Variants in KDM4B observed in about 807,000 individuals in gnomAD.
KDM4B encodes the protein lysine-specific demethylase 4B.
In KDM4B, 32 loss-of-function variants were observed where a neutral mutation model predicts 125.2. The observed-to-expected ratio is 0.26, with a 90% CI of 0.19 to 0.34. The LOEUF (loss-of-function observed/expected upper bound fraction) is 0.34, where lower values mean the gene tolerates loss of function less well. Ranked by LOEUF, KDM4B falls within the 10% of genes least tolerant of loss-of-function variation. KDM4B has a pLI of 1.00. For missense variants in KDM4B, 1,190 were observed against 1,577.7 expected, an observed-to-expected ratio of 0.75 and a Z score of 4.16; for synonymous variants, 721 against 677.9, an observed-to-expected ratio of 1.06 and a Z score of -0.99.
At position 5,071,056 on chromosome 19, in the gene KDM4B, A is replaced by T; in HGVS notation, c.673A>T (p.Ile225Phe). 3 of 1,612,958 alleles carry T rather than the reference A, an allele frequency of 1.9e-6. No individual in the cohort carries two copies. The highest frequency in any genetic ancestry group is 2.5e-6 in the Non-Finnish European group (3 of 1,179,846). ...EHGKRLERLA[I>F]GFFPGSSQGC... Reference sequence around the variant, plus strand: ...CGGCAAGCGCCTGGAGCGGCTGGCCATCGGTAGGTGCCTGCCCTGAGGGCC... The same window carrying T: ...CGGCAAGCGCCTGGAGCGGCTGGCCTTCGGTAGGTGCCTGCCCTGAGGGCC... The change falls in exon 7 of 23, where the codon ATC becomes TTC. Residue 225 changes from isoleucine (I) to phenylalanine (F), a missense_variant. Physicochemically the swap from Ile to Phe is conservative, Grantham distance 21. Around this residue, in one of 7 missense-constraint regions of KDM4B, gnomAD observed 75 missense variants for 218.2 expected, o/e 0.34. Transcript: ENST00000159111.
At chr19:5,037,731 C>T (rs2036674336) in intron 3 of KDM4B, among the ~76,000 whole-genome samples, 1 of 152,236 alleles carries the variant, frequency 6.6e-6, no homozygotes, top group Non-Finnish European at 1.5e-5. Flanking sequence ...TGGCCTCCAT[C>T]TACCTCATGC....
chr19:5,018,516 G>C (rs1048701663), intron 2 of KDM4B, among the ~76,000 whole-genome samples: 1 of 152,230 alleles, frequency 6.6e-6, no homozygotes. Context: ...GGCTTGCTGT[G>C]GTTTGGCAGG....
intron 1 of KDM4B, among the ~76,000 whole-genome samples, chr19:4,984,854 G>A (rs191527624): frequency 4.3e-4 from 65 of 152,256 alleles, no homozygotes; most frequent in Non-Finnish European, 7.5e-4. Context: ...TAATGTACCT[G>A]GGGGTCTGGC....
intron 1 of KDM4B, among the ~76,000 whole-genome samples, chr19:4,981,448 G>A (rs1362906917): frequency 6.6e-6 from 1 of 152,186 alleles, no homozygotes; most frequent in Admixed American, 6.5e-5. Flanking sequence ...AGAGCACGCT[G>A]CTCCCTGGGT....
At chr19:5,116,345 A>G (rs2039256296) in intron 10 of KDM4B, among the ~76,000 whole-genome samples, 2 of 152,190 alleles carry the variant, frequency 1.3e-5, no homozygotes, top group Non-Finnish European at 2.9e-5. Flanking sequence ...AAAGGCCTTC[A>G]AAAGTCAGAA....
intron 1 of KDM4B, among the ~76,000 whole-genome samples, chr19:4,994,310 G>A (rs1403365873): frequency 3.3e-5 from 5 of 151,568 alleles, no homozygotes; most frequent in East Asian, 2.0e-4. Context: ...AGTGGCTCAC[G>A]CCTGTAATCT....
intron 9 of KDM4B, among the ~76,000 whole-genome samples, chr19:5,094,843 C>T (rs575496217): frequency 7.2e-5 from 11 of 152,334 alleles, no homozygotes; most frequent in South Asian, 6.2e-4. Context: ...AGGCCAGCCG[C>T]GGGTCAAGCC....
chr19:4,980,647 C>T (rs1171477941), intron 1 of KDM4B, among the ~76,000 whole-genome samples: 4 of 152,004 alleles, frequency 2.6e-5, no homozygotes, highest in East Asian at 1.9e-4. Flanking sequence ...AGGCTGGTCT[C>T]GAACTCCTGG....
At chr19:5,113,931 A>C in intron 10 of KDM4B, 2 of 1,215,132 alleles carry the variant, frequency 1.6e-6, no homozygotes, top group Non-Finnish European at 2.1e-6. Context: ...GCCTGAGCTC[A>C]GAGGACACGG....
At chr19:5,069,548 T>C (rs1358390739) in intron 6 of KDM4B, among the ~76,000 whole-genome samples, 1 of 151,912 alleles carries the variant, frequency 6.6e-6, no homozygotes, top group African/African-American at 2.4e-5. Context: ...GACCTCGTGA[T>C]CCACCCGCCT....
At chr19:5,055,302 G>C (rs922781370) in intron 6 of KDM4B, among the ~76,000 whole-genome samples, 1 of 152,246 alleles carries the variant, frequency 6.6e-6, no homozygotes, top group Non-Finnish European at 1.5e-5. Context: ...CCAGCAGGCT[G>C]GCTCCTGGCT....
intron 2 of KDM4B, among the ~76,000 whole-genome samples, chr19:5,019,688 GTGT>G (rs758472537): frequency 2.6e-4 from 39 of 147,176 alleles, no homozygotes; most frequent in Non-Finnish European, 4.8e-4. Flanking sequence ...TGGTGTGCAG[GTGT>G]TGGTGTGGGT....
intron 14 of KDM4B, among the ~76,000 whole-genome samples, chr19:5,134,629 G>A (rs553588669): frequency 6.6e-5 from 10 of 152,308 alleles, no homozygotes; most frequent in African/African-American, 2.2e-4. Context: ...CCCTGGGCAT[G>A]CAGCCTCCCC....
rs1262705768 is a variant in KDM4B, at chr19:5,153,371, T to G, written c.*1860T>G. Reference sequence around the variant, plus strand: ...CCTTGTCCCTTGGGGGTCACACCCATCCCCTGGTGGGCTCCTGGGCGGCCT... The same window carrying G: ...CCTTGTCCCTTGGGGGTCACACCCAGCCCCTGGTGGGCTCCTGGGCGGCCT... On this transcript the variant is annotated 3_prime_UTR_variant, in exon 23 of 23. Coordinates refer to ENST00000159111, the MANE Select transcript of KDM4B (RefSeq NM_015015.3). 2.6e-5 allele frequency: 4 copies of G among 152,268 alleles called. No homozygotes were observed. Among genetic ancestry groups the G allele is most frequent in the African/African-American group, 9.7e-5 (4 of 41,444 alleles). 9.4% of individuals were successfully genotyped at this position (152,268 alleles called of 1,614,324 possible).
chr19:4,981,753 G>T (rs890453480), intron 1 of KDM4B, among the ~76,000 whole-genome samples: 1 of 152,182 alleles, frequency 6.6e-6, no homozygotes, highest in Admixed American at 6.5e-5. Context: ...TCCCTGTGGG[G>T]ACAGTGATGT....
chr19:5,041,392 G>A, intron 5 of KDM4B, 141 bp downstream of exon 5: 1 of 596,000 alleles, frequency 1.7e-6, no homozygotes, highest in Middle Eastern at 4.2e-4. Context: ...CTGGATGCGG[G>A]CCTCGCCCTG....
chr19:4,989,407 G>A lies in KDM4B; in HGVS notation c.-109+20177G>A, dbSNP rs149049436. Among the ~76,000 whole-genome samples the A allele has an allele frequency of 8.4e-4, 128 of 152,136 alleles. 1 individual carries two copies. Among genetic ancestry groups the A allele is most frequent in the African/African-American group, 2.9e-3 (121 of 41,478 alleles). On this transcript the variant is annotated intron_variant, in intron 1 of 22. Transcript: ENST00000159111. Reference sequence around the variant, plus strand: ...GGCTGGAGTGCAGTGGCACGATCTTGGCTCACTGTAACCTCCGTCTCCCAG... The same window carrying A: ...GGCTGGAGTGCAGTGGCACGATCTTAGCTCACTGTAACCTCCGTCTCCCAG...
At position 5,133,914 on chromosome 19, in the gene KDM4B, G is replaced by C. The variant is rs1396638044; in HGVS notation, c.1938G>C (p.Val646=). 6.2e-7 allele frequency: 1 copy of C among 1,613,108 alleles called. No homozygotes were observed. Residue 646 remains valine (V), a synonymous_variant, in exon 14 of 23, where the codon GTG becomes GTC. Transcript: ENST00000159111. ...EASPFSGEED[V]SDPDALRPLL... is the part of the protein sequence containing the mutation. ...CCCCTTTCTCCGGGGAGGAAGATGT[G>C]AGTGACCCGGACGCCTTGAGGCCGC...
At chr19:5,119,261 C>T (rs1189046218) in intron 10 of KDM4B, 4 of 1,308,350 alleles carry the variant, frequency 3.1e-6, no homozygotes, top group Non-Finnish European at 4.3e-6. Context: ...AGGCATTTTC[C>T]ATGAGCTGCT....
Sources: allele counts gnomAD v4.1 joint callset (sites outside exome capture counted in the v4.1 genomes callset), GRCh38; gene constraint gnomAD v4.1.1; regional missense constraint gnomAD v4.1.1; transcripts MANE v1.5; gene names NCBI Gene and HGNC (gene_info 2026-07-23, HGNC 2026-07-21).